The following CADPS2 variants were observed in gnomAD, a reference collection of about 807,000 sequenced individuals.
CADPS2 encodes the protein calcium-dependent secretion activator 2.
Under a neutral mutation model 172.5 loss-of-function variants are expected in CADPS2, and 93 were observed. The observed-to-expected ratio is 0.54, with a 90% CI of 0.46 to 0.64. The LOEUF is 0.64. Ranked by LOEUF, CADPS2 falls within the 30% of genes least tolerant of loss-of-function variation. The pLI is 0.00. For synonymous variants in CADPS2, 546 were observed against 555.2 expected (o/e 0.98, Z 0.23); for missense variants, 1,420 against 1,565.9 (o/e 0.91, Z 1.57).
chr7:122,351,098 A>G (rs1041924928), intron 27 of CADPS2, among the ~76,000 whole-genome samples: 1 of 151,882 alleles, frequency 6.6e-6, no homozygotes, highest in Non-Finnish European at 1.5e-5. Context: ...GGGCGTGGTG[A>G]TTCATGCCTG....
At chr7:122,638,131 C>A (rs549669729) in intron 3 of CADPS2, among the ~76,000 whole-genome samples, 43 of 152,314 alleles carry the variant, frequency 2.8e-4, no homozygotes, top group Admixed American at 7.8e-4. Flanking sequence ...CTTCTGATCA[C>A]TGGCACCACG....
At position 122,537,874 on chromosome 7, in the gene CADPS2, A is replaced by G. The variant is rs149602118; in HGVS notation, c.1475+16676T>C. Among the ~76,000 whole-genome samples, 232 of 151,936 alleles carry G rather than the reference A, an allele frequency of 1.5e-3. 5 individuals carry two copies. Among genetic ancestry groups the G allele is most frequent in the Admixed American group, 0.011 (173 of 15,250 alleles). On this transcript the variant is annotated intron_variant, in intron 8 of 29. Coordinates refer to ENST00000449022, the MANE Select transcript of CADPS2 (RefSeq NM_017954.11). Reference sequence around the variant, plus strand: ...GAAAAATGAAATAAAAAATAATTTTAAAAAAGGATAAAAACGCAAGAGAAG... The same window carrying G: ...GAAAAATGAAATAAAAAATAATTTTGAAAAAGGATAAAAACGCAAGAGAAG...
chr7:122,392,782 C>A (rs546124228), intron 22 of CADPS2, among the ~76,000 whole-genome samples: 2 of 152,168 alleles, frequency 1.3e-5, no homozygotes, highest in African/African-American at 4.8e-5. Flanking sequence ...ATTCTTGAAA[C>A]CATTCTTCCA....
chr7:122,813,077 T>G (rs1467177508), intron 1 of CADPS2, among the ~76,000 whole-genome samples: 1 of 152,142 alleles, frequency 6.6e-6, no homozygotes, highest in Non-Finnish European at 1.5e-5. Flanking sequence ...CTTTCCATTC[T>G]TCTTCCTCTG....
At chr7:122,355,858 A>G (rs749896439) in intron 27 of CADPS2, among the ~76,000 whole-genome samples, 15 of 152,358 alleles carry the variant, frequency 9.8e-5, no homozygotes, top group Non-Finnish European at 1.5e-4. Context: ...TTTCAAGGGC[A>G]CATAGCCAGA....
At position 122,698,848 on chromosome 7, in the gene CADPS2, A is replaced by G. The variant is rs1326524955; in HGVS notation, c.454-35279T>C. The G allele has an allele frequency of 7.4e-6, 12 of 1,613,298 alleles. No homozygotes were observed. Reference sequence around the variant, plus strand: ...GCAACAGTTCTGACTAACAAGCCAAAGAACACTGAACTTCATAAGCCAGGA... The same window carrying G: ...GCAACAGTTCTGACTAACAAGCCAAGGAACACTGAACTTCATAAGCCAGGA... On this transcript the variant is annotated intron_variant, in intron 2 of 29. Coordinates refer to ENST00000449022, the MANE Select transcript of CADPS2 (RefSeq NM_017954.11).
intron 1 of CADPS2, among the ~76,000 whole-genome samples, chr7:122,748,179 G>T (rs567703823): frequency 6.6e-6 from 1 of 152,180 alleles, no homozygotes; most frequent in Non-Finnish European, 1.5e-5. Flanking sequence ...ACTGAAGCAA[G>T]TGAGTGAAGA....
chr7:122,705,221 G>T (rs1346345435), intron 2 of CADPS2, among the ~76,000 whole-genome samples: 1 of 151,424 alleles, frequency 6.6e-6, no homozygotes, highest in Non-Finnish European at 1.5e-5. Flanking sequence ...TTATCAGAAT[G>T]AGGTCTAAGA....
chr7:122,380,402 A>G (rs2042853478), intron 24 of CADPS2, among the ~76,000 whole-genome samples: 1 of 152,160 alleles, frequency 6.6e-6, no homozygotes, highest in Admixed American at 6.5e-5. Flanking sequence ...TCAGGTCAAT[A>G]TAAACATTAG....
chr7:122,723,766 T>C (rs1227453929), intron 2 of CADPS2, among the ~76,000 whole-genome samples: 1 of 152,096 alleles, frequency 6.6e-6, no homozygotes, highest in African/African-American at 2.4e-5. Flanking sequence ...TAGCAAAGAC[T>C]TGGAACCAAC....
chr7:122,369,127 T>TTCCCC (rs2041382927), intron 25 of CADPS2, among the ~76,000 whole-genome samples: 3 of 49,768 alleles, frequency 6.0e-5, no homozygotes, highest in Non-Finnish European at 7.6e-5. Context: ...AATTTTTGTT[T>TTCCCC]CCCCCCCCCC....
chr7:122,564,396 C>A (rs920841425), intron 7 of CADPS2, among the ~76,000 whole-genome samples: 1 of 152,192 alleles, frequency 6.6e-6, no homozygotes, highest in South Asian at 2.1e-4. Context: ...GCAACCTCTG[C>A]CTCCTAGGTT....
intron 3 of CADPS2, among the ~76,000 whole-genome samples, chr7:122,631,511 T>C (rs1490741442): frequency 6.6e-6 from 1 of 152,098 alleles, no homozygotes; most frequent in Non-Finnish European, 1.5e-5. Flanking sequence ...ACTCCTGGGC[T>C]CAAGTGATCT....
At chr7:122,601,231 T>C (rs189385832) in intron 6 of CADPS2, among the ~76,000 whole-genome samples, 92 of 152,184 alleles carry the variant, frequency 6.0e-4, no homozygotes, top group African/African-American at 1.9e-3. Context: ...AAGATTCTTA[T>C]GAGAATTTGC....
chr7:122,821,492 C>A (rs1803275136), intron 1 of CADPS2, among the ~76,000 whole-genome samples: 3 of 152,182 alleles, frequency 2.0e-5, no homozygotes, highest in African/African-American at 7.2e-5. Context: ...ACTCAACATG[C>A]CCTGAGTCAG....
rs370579547 is a variant in CADPS2, at chr7:122,830,555, A to G, written c.339+55444T>C. ...TAATTGCTCCCATATATAGCGCATT[A>G]GCAAAGGATAATGAATATTTTTCAA... On this transcript the variant is annotated intron_variant, in intron 1 of 29. Transcript: ENST00000449022. 2.6e-5 allele frequency among the ~76,000 whole-genome samples: 4 copies of G among 152,254 alleles called. No homozygotes were observed. In the East Asian group the frequency reaches 7.7e-4, roughly 29 times the overall value.
intron 1 of CADPS2, among the ~76,000 whole-genome samples, chr7:122,790,863 T>A (rs544964690): frequency 6.6e-6 from 1 of 152,184 alleles, no homozygotes; most frequent in African/African-American, 2.4e-5. Context: ...CAAGAGCCCA[T>A]CATTATAATT....
intron 27 of CADPS2, among the ~76,000 whole-genome samples, chr7:122,358,301 C>A (rs1206504015): frequency 6.6e-6 from 1 of 152,002 alleles, no homozygotes. Context: ...ATCTTTTGCC[C>A]ATTTAAAAAG....
At chr7:122,767,640 G>C (rs570881021) in intron 1 of CADPS2, among the ~76,000 whole-genome samples, 5 of 151,992 alleles carry the variant, frequency 3.3e-5, no homozygotes, top group African/African-American at 1.2e-4. Context: ...CTCACTCCCC[G>C]GGACCTACCC....
Sources: gnomAD v4.1 joint callset for allele counts (sites outside exome capture counted in the v4.1 genomes callset) on GRCh38, gnomAD v4.1.1 for gene constraint, MANE v1.5 for transcripts, NCBI Gene and HGNC (gene_info 2026-07-23, HGNC 2026-07-21) for gene names.